Variants in ABCA4 observed in about 807,000 individuals in gnomAD.
The protein encoded by ABCA4 is retinal-specific phospholipid-transporting ATPase ABCA4.
ABCA4 carries 196 observed loss-of-function variants against 263.7 expected under a neutral mutation model. The observed-to-expected ratio is 0.74, with a 90% CI of 0.66 to 0.84. The LOEUF (loss-of-function observed/expected upper bound fraction) is 0.84, where lower values mean the gene tolerates loss of function less well. ABCA4 is among the 40% of genes least tolerant of loss of function. The pLI is 0.00. For synonymous variants in ABCA4, 1,133 were observed against 1,094.2 expected, an observed-to-expected ratio of 1.04 and a Z score of -0.70; for missense variants, 2,792 against 2,855.1, an observed-to-expected ratio of 0.98 and a Z score of 0.50.
chr1:94,103,026 G>T lies in ABCA4; in HGVS notation c.559C>A (p.Arg187Ser). ...VVYLLINSQV[R>S]PEQFAHGVPD... is the part of the protein sequence containing the mutation. ...TGACATCCCCCTACCTGCTCTGGAC[G>T]GACTTGAGAGTTGATCAGAAGGTAG... is the stretch of plus-strand genomic sequence containing the variant. The change falls in exon 5 of 50, where the codon CGT (arginine) becomes AGT (serine). Residue 187 changes from arginine to serine, a missense_variant. By Grantham distance (110) the Arg-to-Ser change is moderately radical. Transcript: ENST00000370225. 6.2e-7 allele frequency: 1 copy of T among 1,614,166 alleles called. No individual in the cohort carries two copies. Among genetic ancestry groups the T allele is most frequent in the Non-Finnish European group, 8.5e-7 (1 of 1,180,018 alleles).
At chr1:94,056,427 G>A (rs867183839) in intron 15 of ABCA4, among the ~76,000 whole-genome samples, 174 bp downstream of exon 15, 3 of 152,160 alleles carry the variant, frequency 2.0e-5, no homozygotes, top group Admixed American at 1.3e-4. Flanking sequence ...TGCATCGCTC[G>A]GGGTGAGGAC....
At chr1:94,099,776 C>A (rs1026904689) in intron 5 of ABCA4, among the ~76,000 whole-genome samples, 1 of 152,156 alleles carries the variant, frequency 6.6e-6, no homozygotes, top group African/African-American at 2.4e-5. Context: ...ATCTGAAGTT[C>A]GAATTTAACT....
chr1:94,109,891 G>GAAACCCAACTT (rs1170343432), intron 3 of ABCA4, among the ~76,000 whole-genome samples: 2 of 152,162 alleles, frequency 1.3e-5, no homozygotes, highest in Non-Finnish European at 2.9e-5. Flanking sequence ...TGCAAAACAT[G>GAAACCCAACTT]AAACCCAACT....
At position 94,055,167 on chromosome 1, in the gene ABCA4, A is replaced by G; in HGVS notation, c.2531T>C (p.Leu844Pro). Residue 844 changes from leucine to proline, a missense_variant, in exon 16 of 50, where the codon CTC (leucine) becomes CCC (proline). Physicochemically the swap from Leu to Pro is moderately conservative, Grantham distance 98. Transcript: ENST00000370225. ...FSFLLSMQMM[L>P]LDAAVYGLLA... ...TAAGCCATAGACAGCAGCATCAAGGAGCATCATCTGCATGGACAGCAGGAA... is the reference window on the plus strand; with the variant it reads ...TAAGCCATAGACAGCAGCATCAAGGGGCATCATCTGCATGGACAGCAGGAA... 6.2e-7 allele frequency: 1 copy of G among 1,614,152 alleles called. No homozygotes were observed. The highest frequency in any genetic ancestry group is 8.5e-7 in the Non-Finnish European group (1 of 1,180,026).
intron 36 of ABCA4, among the ~76,000 whole-genome samples, chr1:94,019,081 A>C (rs1659821927): frequency 7.4e-6 from 1 of 135,388 alleles, no homozygotes; most frequent in Non-Finnish European, 1.5e-5. Flanking sequence ...TTGAAGTAGC[A>C]TATGCTTATA....
intron 47 of ABCA4, among the ~76,000 whole-genome samples, chr1:93,999,659 C>T (rs530013988): frequency 6.6e-6 from 1 of 152,222 alleles, no homozygotes; most frequent in South Asian, 2.1e-4. Context: ...ATAACTGACT[C>T]CAAAGCTTCC....
intron 11 of ABCA4, among the ~76,000 whole-genome samples, chr1:94,066,431 G>A (rs1189415833): frequency 1.3e-5 from 2 of 152,254 alleles, no homozygotes; most frequent in Non-Finnish European, 2.9e-5. Context: ...GGCAATTAGA[G>A]TGAATCTGAA....
chr1:94,104,290 C>A (rs746258721), intron 4 of ABCA4, among the ~76,000 whole-genome samples: 1 of 152,186 alleles, frequency 6.6e-6, no homozygotes, highest in Non-Finnish European at 1.5e-5. Flanking sequence ...CGTGAAAATG[C>A]CAATCTCTTC....
intron 24 of ABCA4, among the ~76,000 whole-genome samples, chr1:94,038,870 T>A (rs1173100208): frequency 6.6e-6 from 1 of 152,168 alleles, no homozygotes; most frequent in Non-Finnish European, 1.5e-5. Flanking sequence ...GGGATTCAAA[T>A]GATTTTCCCT....
At chr1:94,113,674 T>C (rs1662671083) in intron 1 of ABCA4, among the ~76,000 whole-genome samples, 1 of 150,676 alleles carries the variant, frequency 6.6e-6, no homozygotes, top group Non-Finnish European at 1.5e-5. Context: ...AATGAGTGAA[T>C]AAATGACTGT....
Position 94,005,573 on chromosome 1 carries a change from G to A in ABCA4, c.6015C>T (p.Thr2005=), listed in dbSNP as rs1248576322. 6.2e-7 allele frequency: 1 copy of A among 1,613,966 alleles called. No homozygotes were observed. The highest frequency in any genetic ancestry group is 8.5e-7 in the Non-Finnish European group (1 of 1,179,868). The change falls in exon 44 of 50, where the codon ACC becomes ACT. Residue 2005 remains threonine, a synonymous_variant. Coordinates refer to ENST00000370225, the MANE Select transcript of ABCA4 (RefSeq NM_000350.3). ...DATVAGKSIL[T]NISEVHQNMG... ...TATTTTGATGGACTTCAGAAATATT[G>A]GTTAAAATACTGCAAGAAAAAAAGC...
chr1:94,102,710 A>G (rs189264565), intron 5 of ABCA4, among the ~76,000 whole-genome samples: 110 of 152,256 alleles, frequency 7.2e-4, no homozygotes, highest in Non-Finnish European at 3.2e-4. Context: ...TAATAAATGA[A>G]TAGATTTCTG....
At chr1:94,099,073 C>T (rs564694409) in intron 5 of ABCA4, 82 bp from the exon 6 acceptor site, 4 of 1,412,566 alleles carry the variant, frequency 2.8e-6, no homozygotes, top group African/African-American at 1.4e-5. Flanking sequence ...CCTGGGAATA[C>T]CTTGTGTTAC....
Position 94,005,521 on chromosome 1 carries a change from T to C in ABCA4, c.6067A>G (p.Ile2023Val). Residue 2023 changes from isoleucine (I) to valine (V), a missense_variant, in exon 44 of 50, where the codon ATT becomes GTT. Coordinates refer to ENST00000370225, the MANE Select transcript of ABCA4 (RefSeq NM_000350.3). ...NMGYCPQFDA[I>V]DELLTGREHL... ...TCTCGTCCTGTGAGCAGCTCATCAA[T>C]TGCATCAAACTGAGGACAGTAGCCC... The C allele has an allele frequency of 6.2e-7, 1 of 1,614,122 alleles. No homozygotes were observed.
At chr1:94,097,968 A>G (rs1334169945) in intron 6 of ABCA4, among the ~76,000 whole-genome samples, 1 of 152,162 alleles carries the variant, frequency 6.6e-6, no homozygotes, top group African/African-American at 2.4e-5. Flanking sequence ...CGTGTTAGCC[A>G]GGATGGTCTC....
intron 22 of ABCA4, among the ~76,000 whole-genome samples, chr1:94,042,254 C>G (rs1230007086): frequency 1.3e-5 from 2 of 152,124 alleles, no homozygotes; most frequent in African/African-American, 4.8e-5. Flanking sequence ...GTGCTGTTAC[C>G]TCTATGGGCA....
intron 11 of ABCA4, among the ~76,000 whole-genome samples, chr1:94,077,273 TAC>T (rs1236934816): frequency 6.6e-6 from 1 of 152,156 alleles, no homozygotes; most frequent in Non-Finnish European, 1.5e-5. Flanking sequence ...AAGGAGAACA[TAC>T]AGTTTTTGGA....
At chr1:94,028,911 A>AC in intron 30 of ABCA4, among the ~76,000 whole-genome samples, 1 of 147,372 alleles carries the variant, frequency 6.8e-6, no homozygotes, top group Non-Finnish European at 1.5e-5. Flanking sequence ...TGTCTCAAAA[A>AC]AAAAAAAAAA....
chr1:94,021,753 T>C (rs1403521724), intron 33 of ABCA4, 39 bp from the exon 34 acceptor site: 1 of 1,590,912 alleles, frequency 6.3e-7, no homozygotes, highest in Admixed American at 1.7e-5. Flanking sequence ...ACGGTTTTAA[T>C]TTTTTTTTCC....
Sources: allele counts gnomAD v4.1 joint callset (sites outside exome capture counted in the v4.1 genomes callset), GRCh38; gene constraint gnomAD v4.1.1; transcripts MANE v1.5; gene names NCBI Gene and HGNC (gene_info 2026-07-23, HGNC 2026-07-21).